ZNF540: variants seen among roughly 807,000 people sequenced by gnomAD.
ZNF540 encodes CTD-3064H18.6.
Under a neutral mutation model 11.8 loss-of-function variants are expected in ZNF540, and 3 were observed. The ratio of observed to expected loss-of-function variants is 0.25; its 90% CI spans 0.12 to 0.65. The LOEUF is 0.65. Ranked by LOEUF, ZNF540 falls within the 30% of genes least tolerant of loss-of-function variation. The pLI is 0.83. For synonymous variants in ZNF540, 247 were observed against 259.0 expected, an observed-to-expected ratio of 0.95 and a Z score of 0.45; for missense variants, 709 against 793.1, an observed-to-expected ratio of 0.89 and a Z score of 1.27.
chr19:37,605,347 T>C (rs2044076321), intron 4 of ZNF540, among the ~76,000 whole-genome samples: 1 of 151,408 alleles, frequency 6.6e-6, no homozygotes, highest in South Asian at 2.1e-4. Context: ...GTAAAAACTT[T>C]ATTTAAAAAA....
At chr19:37,603,256 C>T (rs535494130) in intron 4 of ZNF540, among the ~76,000 whole-genome samples, 8 of 152,260 alleles carry the variant, frequency 5.3e-5, no homozygotes, top group African/African-American at 1.9e-4. Flanking sequence ...ATCCACCCAT[C>T]TTGGCCTCCC....
At chr19:37,561,048 CAAAAAAAAAAAA>C (rs199892724) in intron 1 of ZNF540, among the ~76,000 whole-genome samples, 31,837 of 74,328 alleles carry the variant, frequency 0.43, 4,668 homozygotes, top group East Asian at 0.7. Context: ...CCTGTCTCTA[CAAAAAAAAAAAA>C]AAAAAAAAAA....
At chr19:37,559,098 C>A (rs1425173129) in intron 1 of ZNF540, among the ~76,000 whole-genome samples, 2 of 152,148 alleles carry the variant, frequency 1.3e-5, no homozygotes, top group African/African-American at 4.8e-5. Flanking sequence ...CTTGGCCTCC[C>A]AATATGCGAG....
At chr19:37,553,640 A>G (rs1399616580) in intron 1 of ZNF540, among the ~76,000 whole-genome samples, 2 of 152,074 alleles carry the variant, frequency 1.3e-5, no homozygotes, top group African/African-American at 4.8e-5. Flanking sequence ...GGCACTTTTT[A>G]GAATTTTGAG....
At chr19:37,590,910 GAC>G (rs1168119081), upstream of ZNF540, among the ~76,000 whole-genome samples, 1 of 152,138 alleles carries the variant, frequency 6.6e-6, no homozygotes, top group Non-Finnish European at 1.5e-5. Context: ...TAACAGTAGT[GAC>G]AGTTACTGTT....
At chr19:37,552,840 G>A (rs536210117) in intron 1 of ZNF540, among the ~76,000 whole-genome samples, 3 of 152,078 alleles carry the variant, frequency 2.0e-5, no homozygotes, top group South Asian at 2.1e-4. Context: ...CCAGCTACTC[G>A]GGAGGGTGAG....
rs568412710 is a variant in ZNF540, at chr19:37,594,915, C to G, written c.-253C>G. ...CCGGCGCTCCAGAACAGAACGATCC[C>G]TGAGGCTCCCTTGCTCGAACTGTGG... On this transcript the variant is annotated 5_prime_UTR_variant, in exon 1 of 5. Coordinates refer to ENST00000316433, the MANE Select transcript of ZNF540 (RefSeq NM_001172225.3). 1.3e-5 allele frequency: 2 copies of G among 152,348 alleles called. No homozygotes were observed. The highest frequency in any genetic ancestry group is 2.9e-5 in the Non-Finnish European group (2 of 68,070). 9.4% of individuals were successfully genotyped at this position (152,348 alleles called of 1,614,324 possible). A position where few individuals can be genotyped will look rare whatever the true frequency, so the allele number is the denominator to read the frequency against.
chr19:37,612,807 C>T lies in ZNF540; in HGVS notation c.1527C>T (p.Tyr509=), dbSNP rs761471314. 6.2e-7 allele frequency: 1 copy of T among 1,613,960 alleles called. No homozygotes were observed. The highest frequency in any genetic ancestry group is 1.7e-5 in the Admixed American group (1 of 60,014). The part of the protein sequence containing the change: ...RCGKTFRFGF[Y]LTEHQRIHTG... ...GGAAGACCTTTAGATTTGGTTTCTA[C>T]CTTACTGAACACCAGAGAATTCACA... Residue 509 remains tyrosine (Y), a synonymous_variant, in exon 5 of 5, where the codon TAC becomes TAT. Transcript: ENST00000316433.
intron 4 of ZNF540, among the ~76,000 whole-genome samples, chr19:37,609,909 A>G (rs2044115407): frequency 1.3e-5 from 2 of 152,172 alleles, no homozygotes; most frequent in Non-Finnish European, 2.9e-5. Flanking sequence ...AGCATCCAGT[A>G]GGTGGCTGAA....
intron 1 of ZNF540, chr19:37,555,312 T>TG (rs2042647963): frequency 6.6e-6 from 1 of 152,630 alleles, no homozygotes; most frequent in African/African-American, 2.4e-5. Flanking sequence ...CCCACTTGTG[T>TG]TTTTGGGGAA....
chr19:37,566,088 A>G, intron 1 of ZNF540: 1 of 1,614,060 alleles, frequency 6.2e-7, no homozygotes, highest in South Asian at 1.1e-5. Flanking sequence ...TTTTCTTCAC[A>G]GGTAATTTTG....
chr19:37,590,643 A>G (rs2043842311), upstream of ZNF540, among the ~76,000 whole-genome samples: 1 of 152,198 alleles, frequency 6.6e-6, no homozygotes, highest in Admixed American at 6.5e-5. Flanking sequence ...GTATATATGT[A>G]GAGAGAATTA....
At chr19:37,551,856 A>T (rs1474776880) in intron 1 of ZNF540, among the ~76,000 whole-genome samples, 1 of 151,354 alleles carries the variant, frequency 6.6e-6, no homozygotes, top group Admixed American at 6.6e-5. Context: ...GTCTGGTGAA[A>T]AGAATGTGTC....
At chr19:37,566,054 G>C in intron 1 of ZNF540, 1 of 1,614,074 alleles carries the variant, frequency 6.2e-7, no homozygotes, top group Non-Finnish European at 8.5e-7. Context: ...AAAAGTAGAA[G>C]AGGTTGAATG....
intron 1 of ZNF540, chr19:37,597,453 G>A (rs2044004866): frequency 6.6e-6 from 1 of 152,298 alleles, no homozygotes; most frequent in South Asian, 2.1e-4. Context: ...TTGAGACGGA[G>A]TTTCAATCTT....
intron 1 of ZNF540, chr19:37,566,501 GT>G: frequency 1.9e-6 from 1 of 527,730 alleles, no homozygotes; most frequent in Admixed American, 3.8e-5. Context: ...AGAAAAATAG[GT>G]TAAGTCAGTG....
chr19:37,557,598 G>C (rs376219707), intron 1 of ZNF540, among the ~76,000 whole-genome samples: 3 of 152,302 alleles, frequency 2.0e-5, no homozygotes, highest in East Asian at 3.9e-4. Context: ...CTGTGAACAC[G>C]GTGGCGTCCG....
At chr19:37,557,603 C>T (rs535397697) in intron 1 of ZNF540, among the ~76,000 whole-genome samples, 1 of 152,260 alleles carries the variant, frequency 6.6e-6, no homozygotes, top group South Asian at 2.1e-4. Flanking sequence ...AACACGGTGG[C>T]GTCCGCCTTC....
intron 1 of ZNF540, among the ~76,000 whole-genome samples, chr19:37,582,120 G>A (rs2043491509): frequency 6.6e-6 from 1 of 151,950 alleles, no homozygotes; most frequent in Non-Finnish European, 1.5e-5. Context: ...TCCTCAAATG[G>A]GCCTTCAACA....
Sources: gnomAD v4.1 joint callset for allele counts (sites outside exome capture counted in the v4.1 genomes callset) on GRCh38, gnomAD v4.1.1 for gene constraint, MANE v1.5 for transcripts, NCBI Gene and HGNC (gene_info 2026-07-23, HGNC 2026-07-21) for gene names.